The following FER variants were observed in gnomAD, a reference collection of about 807,000 sequenced individuals.
FER encodes the protein FER tyrosine kinase, also known as tyrosine-protein kinase Fer.
FER carries 63 observed loss-of-function variants against 111.0 expected under a neutral mutation model. The ratio of observed to expected loss-of-function variants is 0.57; its 90% CI spans 0.46 to 0.70. FER has a LOEUF of 0.70. Among genes scored for constraint, FER ranks in the 30% least tolerant of loss-of-function variants. The pLI is 0.00. For missense variants in FER, 914 were observed against 954.0 expected, an observed-to-expected ratio of 0.96 and a Z score of 0.55; for synonymous variants, 327 against 313.9, an observed-to-expected ratio of 1.04 and a Z score of -0.44.
At chr5:108,788,534 C>CTTT (rs111580201) in intron 2 of FER, among the ~76,000 whole-genome samples, 36 of 146,244 alleles carry the variant, frequency 2.5e-4, no homozygotes, top group Non-Finnish European at 3.8e-4. Context: ...ACACTAATAT[C>CTTT]TTTTTTTTTT....
At chr5:108,798,496 A>G in intron 3 of FER, 107 bp downstream of exon 3, 1 of 872,640 alleles carries the variant, frequency 1.1e-6, no homozygotes. Context: ...ATTCTAAAGC[A>G]GTGATTCCAC....
chr5:109,153,757 T>C (rs1755091717), intron 17 of FER, among the ~76,000 whole-genome samples: 3 of 151,888 alleles, frequency 2.0e-5, no homozygotes, highest in African/African-American at 7.2e-5. Context: ...GATGTATAGC[T>C]AGTAATAAGT....
chr5:108,940,245 G>A (rs1048439439), intron 10 of FER, among the ~76,000 whole-genome samples: 22 of 152,142 alleles, frequency 1.4e-4, no homozygotes, highest in African/African-American at 5.1e-4. Context: ...CAAATTAGTG[G>A]TCTTTTTGAT....
intron 16 of FER, among the ~76,000 whole-genome samples, chr5:109,076,354 C>T (rs1776338777): frequency 6.6e-6 from 1 of 152,122 alleles, no homozygotes; most frequent in South Asian, 2.1e-4. Flanking sequence ...TCTTAGTGGT[C>T]ATTTTGAATG....
intron 17 of FER, among the ~76,000 whole-genome samples, chr5:109,135,015 A>G (rs942001486): frequency 6.6e-6 from 1 of 152,186 alleles, no homozygotes; most frequent in East Asian, 1.9e-4. Context: ...ATAATAATCA[A>G]TATTCAAGAA....
At chr5:109,030,779 T>C (rs1158196766) in intron 13 of FER, among the ~76,000 whole-genome samples, 1 of 152,180 alleles carries the variant, frequency 6.6e-6, no homozygotes, top group African/African-American at 2.4e-5. Context: ...CACACTGCCC[T>C]GTCATCTCTG....
At chr5:109,035,284 T>A (rs1770219847) in intron 13 of FER, among the ~76,000 whole-genome samples, 1 of 152,094 alleles carries the variant, frequency 6.6e-6, no homozygotes, top group Non-Finnish European at 1.5e-5. Context: ...GTTGCTTCTT[T>A]CCCTTTTGCA....
At chr5:109,084,601 A>T (rs1452517401) in intron 16 of FER, among the ~76,000 whole-genome samples, 2 of 121,428 alleles carry the variant, frequency 1.6e-5, no homozygotes, top group African/African-American at 5.8e-5. Flanking sequence ...TTAAAAAAAT[A>T]TTTTTGGATG....
At chr5:108,792,678 CT>C (rs1170764635) in intron 2 of FER, among the ~76,000 whole-genome samples, 69 of 138,106 alleles carry the variant, frequency 5.0e-4, no homozygotes, top group Middle Eastern at 3.6e-3. Flanking sequence ...ACAAGTTTTG[CT>C]TTTTTTTTTT....
intron 13 of FER, among the ~76,000 whole-genome samples, chr5:109,002,314 C>T (rs952580815): frequency 2.0e-4 from 31 of 151,652 alleles, no homozygotes; most frequent in Admixed American, 7.9e-4. Flanking sequence ...TCAGAAATAA[C>T]GCCGCATATC....
intron 13 of FER, among the ~76,000 whole-genome samples, chr5:109,011,716 C>T (rs1211502519): frequency 6.6e-6 from 1 of 151,970 alleles, no homozygotes; most frequent in Admixed American, 6.6e-5. Context: ...TATCTTTTTG[C>T]TCTCATTCAA....
In FER at chr5:108,946,144, G is replaced by T. The variant is rs758676832; in HGVS notation, c.1251G>T (p.Arg417Ser). The T allele has an allele frequency of 1.9e-6, 3 of 1,611,706 alleles. No homozygotes were observed. The highest frequency in any genetic ancestry group is 2.7e-5 in the African/African-American group (2 of 74,794). Reference protein sequence around the residue: ...RSVTSMERKERLSKFESIRHS... With the variant: ...RSVTSMERKESLSKFESIRHS... ...AATCCCTCCAGGAAAGAAAGGAGAG[G>T]CTATCCAAATTTGAATCTATTCGTC... The change falls in exon 11 of 20, where the codon AGG (arginine) becomes AGT (serine). Residue 417 changes from arginine to serine, a missense_variant. By Grantham distance (110) the Arg-to-Ser change is moderately radical (BLOSUM62 -1). Transcript: ENST00000281092.
At chr5:108,973,396 CAA>C (rs1760930118) in intron 13 of FER, among the ~76,000 whole-genome samples, 1 of 151,854 alleles carries the variant, frequency 6.6e-6, no homozygotes, top group Non-Finnish European at 1.5e-5. Flanking sequence ...TTAGAAAAAC[CAA>C]AGACATTAAA....
chr5:108,780,691 A>G (rs1417180306), intron 2 of FER, among the ~76,000 whole-genome samples: 1 of 151,592 alleles, frequency 6.6e-6, no homozygotes, highest in East Asian at 1.9e-4. Context: ...GATTTGGTGA[A>G]ATTGTCATTT....
intron 14 of FER, among the ~76,000 whole-genome samples, chr5:109,043,195 G>GT (rs1771432957): frequency 6.6e-6 from 1 of 152,202 alleles, no homozygotes; most frequent in African/African-American, 2.4e-5. Context: ...TAATAAAACA[G>GT]TAAGTTTTAG....
intron 1 of FER, among the ~76,000 whole-genome samples, chr5:108,755,010 A>G (rs1372031067): frequency 8.5e-5 from 13 of 152,206 alleles, no homozygotes; most frequent in Non-Finnish European, 1.9e-4. Flanking sequence ...TTGTGAATCT[A>G]GGATATAACC....
intron 16 of FER, among the ~76,000 whole-genome samples, chr5:109,098,558 C>T (rs1747822496): frequency 2.0e-5 from 3 of 151,530 alleles, no homozygotes; most frequent in Admixed American, 1.3e-4. Context: ...ATATATCTAA[C>T]AAAAGAATTA....
At chr5:108,979,234 A>G (rs1266139232) in intron 13 of FER, among the ~76,000 whole-genome samples, 3 of 152,176 alleles carry the variant, frequency 2.0e-5, no homozygotes, top group Non-Finnish European at 2.9e-5. Flanking sequence ...ATCTGGCAGG[A>G]AAGCCTGTTC....
chr5:108,954,378 G>A (rs1319149414), intron 11 of FER, among the ~76,000 whole-genome samples: 1 of 152,070 alleles, frequency 6.6e-6, no homozygotes, highest in Admixed American at 6.6e-5. Context: ...AAGTTATTTT[G>A]TGATACATTT....
Sources: gnomAD v4.1 joint callset for allele counts (sites outside exome capture counted in the v4.1 genomes callset) on GRCh38, gnomAD v4.1.1 for gene constraint, MANE v1.5 for transcripts, NCBI Gene and HGNC (gene_info 2026-07-23, HGNC 2026-07-21) for gene names.